CNTN5: variants seen among roughly 807,000 people sequenced by gnomAD.
CNTN5 encodes contactin-5.
CNTN5 carries 77 observed loss-of-function variants against 129.1 expected under a neutral mutation model. The ratio of observed to expected loss-of-function variants is 0.60; its 90% confidence interval spans 0.50 to 0.72. The LOEUF (loss-of-function observed/expected upper bound fraction) is 0.72, where lower values mean the gene tolerates loss of function less well. Ranked by LOEUF, CNTN5 falls within the 30% of genes least tolerant of loss-of-function variation. The pLI is 0.00. For missense variants in CNTN5, 1,478 were observed against 1,328.8 expected (o/e 1.11, Z -1.75); for synonymous variants, 509 against 465.6 (o/e 1.09, Z -1.20).
chr11:99,675,295 T>C (rs1469660550), intron 3 of CNTN5, among the ~76,000 whole-genome samples: 4 of 152,110 alleles, frequency 2.6e-5, no homozygotes, highest in African/African-American at 9.7e-5. Context: ...TTTTTGTAGA[T>C]TTCTGAGAAT....
chr11:99,375,623 A>G (rs1940134536), intron 2 of CNTN5, among the ~76,000 whole-genome samples: 1 of 152,230 alleles, frequency 6.6e-6, no homozygotes, highest in Non-Finnish European at 1.5e-5. Context: ...CAAATTTACA[A>G]AATTACAAAA....
chr11:99,972,660 A>G (rs986598963), intron 8 of CNTN5, among the ~76,000 whole-genome samples: 1 of 152,138 alleles, frequency 6.6e-6, no homozygotes, highest in Non-Finnish European at 1.5e-5. Flanking sequence ...TTCCGAAGAG[A>G]ATGAAATCTT....
intron 10 of CNTN5, among the ~76,000 whole-genome samples, chr11:100,065,040 C>T (rs572055197): frequency 1.3e-4 from 20 of 152,060 alleles, no homozygotes; most frequent in Non-Finnish European, 2.6e-4. Flanking sequence ...TCACTATGAC[C>T]TCTAGACAGT....
At position 99,685,198 on chromosome 11, in the gene CNTN5, C is replaced by T. The variant is rs138431414; in HGVS notation, c.55+128929C>T. Among the ~76,000 whole-genome samples the T allele has an allele frequency of 2.5e-3, 374 of 151,324 alleles. 2 individuals are homozygous for T. Among genetic ancestry groups the T allele is most frequent in the African/African-American group, 8.6e-3 (355 of 41,424 alleles). On this transcript the variant is annotated intron_variant, in intron 3 of 24. Coordinates refer to ENST00000524871, the MANE Select transcript of CNTN5 (RefSeq NM_014361.4). ...TACATTGTCAAATTTCAAGTGATTA[C>T]TTTCTATGTTTTTTCTATTGCTTTA...
chr11:99,898,118 A>T (rs1013500458), intron 6 of CNTN5, among the ~76,000 whole-genome samples: 12 of 152,162 alleles, frequency 7.9e-5, no homozygotes, highest in Non-Finnish European at 2.9e-5. Flanking sequence ...CTACATAAAA[A>T]ATAGAAAAAT....
At position 100,037,438 on chromosome 11, in the gene CNTN5, T is replaced by C. The variant is rs1942085384; in HGVS notation, c.981-23774T>C. Reference sequence around the variant, plus strand: ...ATTGGTCTAAAATTCTCTTTTTTGGTTGTGTCTCTGCCCGGGTTTGGTATC... The same window carrying C: ...ATTGGTCTAAAATTCTCTTTTTTGGCTGTGTCTCTGCCCGGGTTTGGTATC... On this transcript the variant is annotated intron_variant, in intron 9 of 24. Coordinates refer to ENST00000524871, the MANE Select transcript of CNTN5 (RefSeq NM_014361.4). 2.6e-5 allele frequency among the ~76,000 whole-genome samples: 4 copies of C among 152,024 alleles called. No individual in the cohort carries two copies. The South Asian group carries it at 8.3e-4, about 32-fold the overall frequency.
chr11:99,956,241 A>T (rs1320327080), intron 7 of CNTN5, among the ~76,000 whole-genome samples: 15 of 152,140 alleles, frequency 9.9e-5, no homozygotes, highest in Admixed American at 9.8e-4. Context: ...CTCAGTTTAA[A>T]CCATCATACT....
At position 99,355,762 on chromosome 11, in the gene CNTN5, C is replaced by T. The variant is rs567339804; in HGVS notation, c.-71+30278C>T. On this transcript the variant is annotated intron_variant, in intron 2 of 24. Transcript: ENST00000524871. ...GTCCTTTTTAGACAGCCTATAATAT[C>T]GGCCTTAACTAGTTTATTGTCCTCA... Among the ~76,000 whole-genome samples the T allele has an allele frequency of 1.1e-4, 17 of 151,314 alleles. No individual in the cohort carries two copies. In the South Asian group the frequency reaches 3.1e-3, roughly 28 times the overall value.
chr11:99,571,799 T>C (rs1011553219), intron 3 of CNTN5, among the ~76,000 whole-genome samples: 4 of 152,178 alleles, frequency 2.6e-5, no homozygotes, highest in Admixed American at 6.5e-5. Flanking sequence ...AAATTAATCA[T>C]AGTGAATTTC....
chr11:99,245,755 C>T (rs1861784059), intron 1 of CNTN5, among the ~76,000 whole-genome samples: 1 of 152,174 alleles, frequency 6.6e-6, no homozygotes, highest in Admixed American at 6.6e-5. Context: ...TTGTCACTTT[C>T]AGCACTATTG....
At chr11:99,311,123 T>G (rs894950476) in intron 1 of CNTN5, among the ~76,000 whole-genome samples, 2 of 152,086 alleles carry the variant, frequency 1.3e-5, no homozygotes, top group Admixed American at 1.3e-4. Context: ...GAGACTGGGT[T>G]TCACCATATT....
intron 2 of CNTN5, among the ~76,000 whole-genome samples, chr11:99,326,270 A>T (rs369075381): frequency 8.5e-5 from 13 of 152,346 alleles, no homozygotes; most frequent in African/African-American, 3.1e-4. Context: ...ATAATCAACC[A>T]AGAAGGTCAA....
At chr11:99,942,232 T>A (rs1001204329) in intron 7 of CNTN5, among the ~76,000 whole-genome samples, 2 of 151,976 alleles carry the variant, frequency 1.3e-5, no homozygotes, top group Middle Eastern at 3.2e-3. Flanking sequence ...CTGCTCTAGA[T>A]GAGTATGTGA....
Position 99,582,338 on chromosome 11 carries a change from C to T in CNTN5, c.55+26069C>T, listed in dbSNP as rs758804379. 8.9e-4 allele frequency among the ~76,000 whole-genome samples: 136 copies of T among 152,198 alleles called. 1 individual carries two copies. Among genetic ancestry groups the T allele is most frequent in the South Asian group, 1.5e-3 (7 of 4,810 alleles). ...CTCTTCTCGAGGAGTATCTTTGTGC[C>T]ATTCTCTTTATTTCCTGAATTTGAA... is the stretch of plus-strand genomic sequence containing the variant. On this transcript the variant is annotated intron_variant, in intron 3 of 24. Transcript: ENST00000524871.
chr11:99,034,170 C>T (rs996309189), intron 1 of CNTN5, among the ~76,000 whole-genome samples: 3 of 152,110 alleles, frequency 2.0e-5, no homozygotes, highest in African/African-American at 7.2e-5. Context: ...ATTCGGTTTG[C>T]CAGTATTTTA....
chr11:100,032,524 A>T (rs1015699998), intron 9 of CNTN5, among the ~76,000 whole-genome samples: 23 of 151,978 alleles, frequency 1.5e-4, no homozygotes, highest in East Asian at 1.4e-3. Context: ...TATATATATA[A>T]AATAAAAGTT....
At chr11:99,060,214 A>C (rs1239922250) in intron 1 of CNTN5, among the ~76,000 whole-genome samples, 2 of 152,052 alleles carry the variant, frequency 1.3e-5, no homozygotes, top group Non-Finnish European at 2.9e-5. Flanking sequence ...GTTAACTACA[A>C]CCAAGACAAC....
At chr11:99,715,116 A>G (rs181248199) in intron 3 of CNTN5, among the ~76,000 whole-genome samples, 4 of 152,154 alleles carry the variant, frequency 2.6e-5, no homozygotes, top group African/African-American at 7.2e-5. Context: ...TGTTCAATAA[A>G]TATTTGCTAG....
intron 3 of CNTN5, among the ~76,000 whole-genome samples, chr11:99,742,184 A>G (rs898947258): frequency 2.0e-5 from 3 of 152,180 alleles, no homozygotes; most frequent in African/African-American, 7.2e-5. Context: ...TGGACAGTCC[A>G]AGTCCCAGCT....
Sources: gnomAD v4.1 joint callset for allele counts (sites outside exome capture counted in the v4.1 genomes callset) on GRCh38, gnomAD v4.1.1 for gene constraint, MANE v1.5 for transcripts, NCBI Gene and HGNC (gene_info 2026-07-23, HGNC 2026-07-21) for gene names.